Variants in ZNF385D observed in about 807,000 individuals in gnomAD.
The protein encoded by ZNF385D is zinc finger protein 659.
In ZNF385D, 15 loss-of-function variants were observed where a neutral mutation model predicts 35.8. That is an observed-to-expected ratio of 0.42 (90% CI 0.28 to 0.64). The LOEUF (loss-of-function observed/expected upper bound fraction) is 0.64. Among genes scored for constraint, ZNF385D ranks in the 30% least tolerant of loss-of-function variants. ZNF385D has a pLI of 0.23. For missense variants in ZNF385D, 474 were observed against 494.6 expected (o/e 0.96, Z 0.39); for synonymous variants, 212 against 186.8 (o/e 1.13, Z -1.10).
At chr3:21,500,378 A>G (rs1415932411) in intron 4 of ZNF385D, among the ~76,000 whole-genome samples, 1 of 152,176 alleles carries the variant, frequency 6.6e-6, no homozygotes, top group African/African-American at 2.4e-5. Context: ...GTATGAAATT[A>G]AGGTGTATCC....
intron 2 of ZNF385D, among the ~76,000 whole-genome samples, chr3:22,295,629 G>T (rs930122259): frequency 1.3e-5 from 2 of 152,142 alleles, no homozygotes; most frequent in African/African-American, 4.8e-5. Context: ...CTAGGTAAAT[G>T]AGGTGGATCT....
intron 3 of ZNF385D, among the ~76,000 whole-genome samples, chr3:22,014,133 TAGA>T (rs1343252186): frequency 6.6e-6 from 1 of 152,068 alleles, no homozygotes; most frequent in Non-Finnish European, 1.5e-5. Flanking sequence ...TGACTAAATA[TAGA>T]AGGTTTTAAT....
At chr3:21,509,519 G>A (rs1410241237) in intron 4 of ZNF385D, among the ~76,000 whole-genome samples, 3 of 152,116 alleles carry the variant, frequency 2.0e-5, no homozygotes, top group Non-Finnish European at 4.4e-5. Context: ...TTAATAAAAT[G>A]GCACAATCCA....
chr3:21,514,204 A>T (rs1413061094), intron 3 of ZNF385D, among the ~76,000 whole-genome samples: 1 of 152,160 alleles, frequency 6.6e-6, no homozygotes, highest in Non-Finnish European at 1.5e-5. Context: ...CAATTTTCTG[A>T]GGGTCGTCAT....
chr3:21,976,817 C>T (rs1231900671), intron 3 of ZNF385D, among the ~76,000 whole-genome samples: 2 of 152,026 alleles, frequency 1.3e-5, no homozygotes, highest in East Asian at 1.9e-4. Flanking sequence ...ATGGTGAAAC[C>T]CCATCTCTGC....
At chr3:21,466,287 A>G (rs2125327246) in intron 4 of ZNF385D, among the ~76,000 whole-genome samples, 1 of 152,236 alleles carries the variant, frequency 6.6e-6, no homozygotes, top group African/African-American at 2.4e-5. Flanking sequence ...TTCTAGACTC[A>G]TCTTTCACTT....
intron 4 of ZNF385D, among the ~76,000 whole-genome samples, chr3:21,451,497 T>A (rs1263085261): frequency 2.0e-5 from 3 of 152,094 alleles, no homozygotes; most frequent in East Asian, 1.9e-4. Context: ...ATTTCCTTCA[T>A]ATAGAGTGGA....
At chr3:21,554,768 G>A (rs1264835386) in intron 3 of ZNF385D, among the ~76,000 whole-genome samples, 2 of 152,126 alleles carry the variant, frequency 1.3e-5, no homozygotes, top group Admixed American at 6.5e-5. Flanking sequence ...GCTTCACCGT[G>A]CACGTTTATG....
At chr3:21,573,065 C>T (rs540631708) in intron 2 of ZNF385D, among the ~76,000 whole-genome samples, 2 of 152,240 alleles carry the variant, frequency 1.3e-5, no homozygotes, top group South Asian at 4.1e-4. Context: ...TTCAAGAAAT[C>T]TAACTCCGCA....
chr3:22,168,407 A>C (rs1030287108), intron 3 of ZNF385D: 14 of 152,346 alleles, frequency 9.2e-5, no homozygotes, highest in African/African-American at 3.4e-4. Flanking sequence ...ATTTGAAAAG[A>C]TATGCATTAT....
chr3:21,762,197 C>T (rs1313018566), intron 3 of ZNF385D, among the ~76,000 whole-genome samples: 2 of 152,072 alleles, frequency 1.3e-5, no homozygotes, highest in East Asian at 3.9e-4. Flanking sequence ...TTTTTATTTT[C>T]TAATATCTTG....
intron 2 of ZNF385D, among the ~76,000 whole-genome samples, chr3:21,584,926 C>CCAAA (rs2063768249): frequency 6.6e-6 from 1 of 152,114 alleles, no homozygotes; most frequent in African/African-American, 2.4e-5. Context: ...ATTGGCAATC[C>CCAAA]CAAACACCTC....
rs76279262 is a variant in ZNF385D, at chr3:22,278,460, A to G, written c.106+93990T>C. On this transcript the variant is annotated intron_variant, in intron 2 of 5. Transcript: ENST00000494108. ...GTTTGCCACTAATTGTATTCTGCTCACTCTCTTTTCTGTCCATGAATTATC... is the reference window on the plus strand; with the variant it reads ...GTTTGCCACTAATTGTATTCTGCTCGCTCTCTTTTCTGTCCATGAATTATC... Among the ~76,000 whole-genome samples the G allele has an allele frequency of 3.4e-3, 511 of 152,018 alleles. 6 individuals are homozygous for G. Among genetic ancestry groups the G allele is most frequent in the African/African-American group, 0.012 (483 of 41,496 alleles).
chr3:21,950,051 T>A (rs1473324245), intron 3 of ZNF385D, among the ~76,000 whole-genome samples: 1 of 152,216 alleles, frequency 6.6e-6, no homozygotes, highest in Non-Finnish European at 1.5e-5. Context: ...GAATGATTTA[T>A]AATCCTTTGG....
At chr3:22,025,132 T>C (rs1399577144) in intron 3 of ZNF385D, among the ~76,000 whole-genome samples, 3 of 152,150 alleles carry the variant, frequency 2.0e-5, no homozygotes, top group Admixed American at 6.5e-5. Context: ...TAAATTCTGA[T>C]GAACACTTTT....
At chr3:21,989,011 C>T (rs1241458564) in intron 3 of ZNF385D, among the ~76,000 whole-genome samples, 1 of 152,130 alleles carries the variant, frequency 6.6e-6, no homozygotes, top group Non-Finnish European at 1.5e-5. Context: ...CCTGCTTCGG[C>T]TCGCGCACGG....
chr3:21,459,943 C>T (rs1703060398), intron 4 of ZNF385D, among the ~76,000 whole-genome samples: 1 of 152,192 alleles, frequency 6.6e-6, no homozygotes, highest in African/African-American at 2.4e-5. Context: ...CACTTACAAC[C>T]TCCCATGTTG....
intron 2 of ZNF385D, among the ~76,000 whole-genome samples, chr3:22,244,514 C>T (rs534411772): frequency 6.6e-6 from 1 of 150,682 alleles, no homozygotes; most frequent in East Asian, 2.0e-4. Flanking sequence ...GAATGAAACC[C>T]TTACTACTTT....
At position 21,878,969 on chromosome 3, in the gene ZNF385D, G is replaced by A. The variant is rs1698126850; in HGVS notation, c.326-213941C>T. Among the ~76,000 whole-genome samples, 4 of 152,000 alleles carry A rather than the reference G, an allele frequency of 2.6e-5. No individual in the cohort carries two copies. The South Asian group carries it at 8.3e-4, about 31-fold the overall frequency. On this transcript the variant is annotated intron_variant, in intron 3 of 5. Transcript: ENST00000494108. ...TTATAAAAAGAGCCATGTACATTTG[G>A]AGAGCAGGAGGGTAGGACAGAACTT...
Sources: allele counts gnomAD v4.1 joint callset (sites outside exome capture counted in the v4.1 genomes callset), GRCh38; gene constraint gnomAD v4.1.1; transcripts MANE v1.5; gene names NCBI Gene and HGNC (gene_info 2026-07-23, HGNC 2026-07-21).